Variants in EPHA5 observed in about 807,000 individuals in gnomAD.
The protein encoded by EPHA5 is EPH receptor A5, also known as ephrin type-A receptor 5.
Under a neutral mutation model 105.0 loss-of-function variants are expected in EPHA5, and 60 were observed. The ratio of observed to expected loss-of-function variants is 0.57; its 90% CI spans 0.46 to 0.71. EPHA5 has a LOEUF of 0.71. Ranked by LOEUF, EPHA5 falls within the 30% of genes least tolerant of loss-of-function variation. EPHA5 has a pLI of 0.00. For missense variants in EPHA5, 1,218 were observed against 1,274.7 expected, an observed-to-expected ratio of 0.96 and a Z score of 0.68; for synonymous variants, 513 against 449.1, an observed-to-expected ratio of 1.14 and a Z score of -1.80.
At chr4:65,504,637 C>T (rs188413383) in intron 3 of EPHA5, among the ~76,000 whole-genome samples, 1 of 151,978 alleles carries the variant, frequency 6.6e-6, no homozygotes, top group Admixed American at 6.6e-5. Context: ...ATGTGCTTGA[C>T]ATATAGTAGC....
At chr4:65,577,683 A>G (rs917874937) in intron 3 of EPHA5, among the ~76,000 whole-genome samples, 1 of 152,194 alleles carries the variant, frequency 6.6e-6, no homozygotes, top group Non-Finnish European at 1.5e-5. Context: ...ACTTACTACT[A>G]ACATTCAATT....
intron 8 of EPHA5, among the ~76,000 whole-genome samples, chr4:65,402,109 G>T (rs942577691): frequency 2.6e-5 from 4 of 151,962 alleles, no homozygotes; most frequent in African/African-American, 9.7e-5. Context: ...GAGATCTAAT[G>T]GTTTTTTAAG....
chr4:65,324,636 A>G (rs2148778511), intron 16 of EPHA5, among the ~76,000 whole-genome samples: 1 of 151,494 alleles, frequency 6.6e-6, no homozygotes, highest in South Asian at 2.1e-4. Context: ...ATAGCTAAGC[A>G]GTTGAAAACC....
chr4:65,664,494 G>A (rs981902084), intron 1 of EPHA5, among the ~76,000 whole-genome samples: 2 of 151,692 alleles, frequency 1.3e-5, no homozygotes, highest in African/African-American at 4.8e-5. Context: ...CTACCTTTAT[G>A]TACACCCATA....
intron 1 of EPHA5, among the ~76,000 whole-genome samples, chr4:65,666,353 C>G (rs114240179): frequency 0.02 from 3,070 of 152,222 alleles, 38 homozygotes; most frequent in African/African-American, 0.031. Flanking sequence ...ATTTTCAATG[C>G]AGGGCTGTTC....
At chr4:65,435,439 G>A (rs1428079821) in intron 5 of EPHA5, among the ~76,000 whole-genome samples, 1 of 152,076 alleles carries the variant, frequency 6.6e-6, no homozygotes, top group Middle Eastern at 3.2e-3. Context: ...TTTAAGTGTA[G>A]AAGATACTAA....
intron 5 of EPHA5, among the ~76,000 whole-genome samples, chr4:65,423,985 T>A (rs1724182503): frequency 6.6e-6 from 1 of 152,050 alleles, no homozygotes; most frequent in African/African-American, 2.4e-5. Flanking sequence ...GCATATATAC[T>A]GATGTTGCGA....
chr4:65,637,857 G>A (rs1397774804), intron 2 of EPHA5, among the ~76,000 whole-genome samples: 2 of 151,948 alleles, frequency 1.3e-5, no homozygotes, highest in Non-Finnish European at 2.9e-5. Flanking sequence ...TCAAGTTTTA[G>A]AAACATTGTA....
intron 11 of EPHA5, among the ~76,000 whole-genome samples, chr4:65,363,740 G>A (rs2148884923): frequency 6.6e-6 from 1 of 151,480 alleles, no homozygotes; most frequent in Non-Finnish European, 1.5e-5. Flanking sequence ...CTGAATTTTT[G>A]TTGTTATCAT....
intron 2 of EPHA5, among the ~76,000 whole-genome samples, chr4:65,637,569 C>CATACATATATATATATAT (rs1747247617): frequency 8.9e-6 from 1 of 112,440 alleles, no homozygotes; most frequent in African/African-American, 3.2e-5. Context: ...ATGAGTTTTG[C>CATACATATATATATATAT]ATATATATAT....
chr4:65,425,835 T>C (rs936740704), intron 5 of EPHA5, among the ~76,000 whole-genome samples: 1 of 152,098 alleles, frequency 6.6e-6, no homozygotes, highest in Non-Finnish European at 1.5e-5. Flanking sequence ...CCTGACCCTT[T>C]AGTATTTGTT....
chr4:65,590,885 G>C (rs1001374781), intron 3 of EPHA5, among the ~76,000 whole-genome samples: 2 of 152,102 alleles, frequency 1.3e-5, no homozygotes, highest in Non-Finnish European at 2.9e-5. Flanking sequence ...TAAAAGTACA[G>C]ATAGATCATA....
chr4:65,503,307 C>G (rs2149245032), intron 3 of EPHA5, among the ~76,000 whole-genome samples: 1 of 151,792 alleles, frequency 6.6e-6, no homozygotes, highest in Non-Finnish European at 1.5e-5. Flanking sequence ...AATGTCTTCT[C>G]AGTATGAAAG....
chr4:65,376,864 A>T (rs1399732527), intron 8 of EPHA5: 2 of 609,070 alleles, frequency 3.3e-6, no homozygotes, highest in Non-Finnish European at 5.4e-6. Context: ...TTGTGAAATC[A>T]CTTGTTAGGA....
intron 3 of EPHA5, among the ~76,000 whole-genome samples, chr4:65,565,369 G>T (rs114412520): frequency 9.9e-4 from 150 of 151,698 alleles, no homozygotes; most frequent in Middle Eastern, 6.8e-3. Context: ...CCTTCACAAA[G>T]TATTTCATTT....
At chr4:65,626,149 C>G (rs182680108) in intron 2 of EPHA5, among the ~76,000 whole-genome samples, 58 of 149,742 alleles carry the variant, frequency 3.9e-4, no homozygotes, top group African/African-American at 1.4e-3. Flanking sequence ...TTGAATATCA[C>G]ATATAGCTAA....
intron 6 of EPHA5, among the ~76,000 whole-genome samples, chr4:65,417,841 TA>T (rs1394823346): frequency 3.9e-5 from 6 of 152,118 alleles, no homozygotes; most frequent in Admixed American, 6.6e-5. Flanking sequence ...CAACGTTTTT[TA>T]AAAAGATAAA....
chr4:65,381,240 C>A (rs1719530446), intron 8 of EPHA5, among the ~76,000 whole-genome samples: 1 of 151,328 alleles, frequency 6.6e-6, no homozygotes, highest in Non-Finnish European at 1.5e-5. Flanking sequence ...TTCAGTAAAC[C>A]AAAGTATATA....
chr4:65,497,520 C>T (rs750606034), intron 3 of EPHA5, among the ~76,000 whole-genome samples: 1 of 152,008 alleles, frequency 6.6e-6, no homozygotes, highest in Non-Finnish European at 1.5e-5. Flanking sequence ...AATAGGATTG[C>T]TATAGCAGCT....
Sources: allele counts gnomAD v4.1 joint callset (sites outside exome capture counted in the v4.1 genomes callset), GRCh38; gene constraint gnomAD v4.1.1; transcripts MANE v1.5; gene names NCBI Gene and HGNC (gene_info 2026-07-23, HGNC 2026-07-21).